ZNF469: variants seen among roughly 807,000 people sequenced by gnomAD.
ZNF469 encodes zinc finger protein 469.
In ZNF469, 1 loss-of-function variant was observed where a neutral mutation model predicts 1.0. That is an observed-to-expected ratio of 1.00 (90% CI 0.35 to 4.73). The LOEUF (loss-of-function observed/expected upper bound fraction) is 4.73, where lower values mean the gene tolerates loss of function less well. Among genes scored for constraint, ZNF469 ranks in the 30% most tolerant of loss-of-function variants. ZNF469 has a pLI of 0.16. For missense variants in ZNF469, 6,100 were observed against 5,356.3 expected (o/e 1.14, Z -4.33); for synonymous variants, 2,703 against 2,363.4 (o/e 1.14, Z -4.17).
At chr16:88,250,859 T>C in the ZNF469 span, among the ~76,000 whole-genome samples, 25 of 152,254 alleles carry the variant, frequency 1.6e-4, no homozygotes, top group Non-Finnish European at 8.8e-5. Flanking sequence ...GCTTCCTACC[T>C]GTTCGGGGTT....
chr16:88,158,364 G>T, the ZNF469 span, among the ~76,000 whole-genome samples: 1 of 152,038 alleles, frequency 6.6e-6, no homozygotes, highest in African/African-American at 2.4e-5. Flanking sequence ...GCAGGCAAGG[G>T]TGTCTGGGTT....
chr16:88,162,441 G>C, the ZNF469 span, among the ~76,000 whole-genome samples: 658 of 150,034 alleles, frequency 4.4e-3, 5 homozygotes, highest in African/African-American at 0.015. Context: ...AAGTTTGTAA[G>C]TATGTACCAA....
At chr16:88,169,574 T>C in the ZNF469 span, among the ~76,000 whole-genome samples, 1 of 152,186 alleles carries the variant, frequency 6.6e-6, no homozygotes, top group Non-Finnish European at 1.5e-5. The surrounding 1 kb of genome is among the most constrained non-coding windows in gnomAD (Gnocchi z 6.1). Flanking sequence ...GTCCGGGGCT[T>C]AGAGGCACCA....
the ZNF469 span, among the ~76,000 whole-genome samples, chr16:88,311,790 G>A: frequency 9.2e-5 from 14 of 152,172 alleles, no homozygotes; most frequent in Non-Finnish European, 1.3e-4. Flanking sequence ...CAAGTCGTTC[G>A]CCAACAAGGA....
At chr16:88,227,519 CCCA>C in the ZNF469 span, among the ~76,000 whole-genome samples, 1 of 145,772 alleles carries the variant, frequency 6.9e-6, no homozygotes, top group South Asian at 2.2e-4. Flanking sequence ...TCCCCATCTC[CCCA>C]TCTCCCCATC....
the ZNF469 span, among the ~76,000 whole-genome samples, chr16:88,199,726 T>C: frequency 8.3e-3 from 1,262 of 152,330 alleles, 16 homozygotes; most frequent in Admixed American, 0.02. Context: ...AGGACAGTGC[T>C]GGCCATAGGG....
the ZNF469 span, among the ~76,000 whole-genome samples, chr16:88,181,073 C>CTT: frequency 3.2e-4 from 42 of 131,156 alleles, no homozygotes; most frequent in South Asian, 2.9e-3. Context: ...AGAATACACA[C>CTT]TTTTTTTTTT....
rs1272587659 is a variant in ZNF469, at chr16:88,435,103, G to C, written c.7633G>C (p.Asp2545His). 3 of 1,550,256 alleles carry C rather than the reference G, an allele frequency of 1.9e-6. No homozygotes were observed. Among genetic ancestry groups the C allele is most frequent in the Non-Finnish European group, 8.7e-7 (1 of 1,146,998 alleles). Reference protein sequence around the residue: ...GKERPNHSRGDPSHVTQPPPA... With the variant: ...GKERPNHSRGHPSHVTQPPPA... Reference sequence around the variant, plus strand: ...GGAGAGACCAAATCACTCACGGGGAGACCCCAGCCACGTCACCCAGCCACC... The same window carrying C: ...GGAGAGACCAAATCACTCACGGGGACACCCCAGCCACGTCACCCAGCCACC... The change falls in exon 3 of 3, where the codon GAC becomes CAC. Residue 2545 changes from aspartate to histidine, a missense_variant. Transcript: ENST00000565624.
intron 1 of ZNF469, among the ~76,000 whole-genome samples, chr16:88,396,998 C>CA (rs1904700525): frequency 2.0e-5 from 3 of 149,918 alleles, no homozygotes; most frequent in South Asian, 2.1e-4. Context: ...GAAGGGAGGC[C>CA]GGGAGGAGAC....
At chr16:88,225,406 G>C in the ZNF469 span, among the ~76,000 whole-genome samples, 2 of 152,208 alleles carry the variant, frequency 1.3e-5, no homozygotes, top group Non-Finnish European at 2.9e-5. Flanking sequence ...TTTTGAAGGA[G>C]GCTTTAGATC....
At position 88,428,221 on chromosome 16, in the gene ZNF469, C is replaced by A. The variant is rs540655479; in HGVS notation, c.751C>A (p.Pro251Thr). The A allele has an allele frequency of 3.7e-4, 578 of 1,550,296 alleles. No individual in the cohort carries two copies. The African/African-American group carries it at 6.6e-3, about 18-fold the overall frequency. Reference sequence around the variant, plus strand: ...CTTCCCAGGTGCTAATTTCGGGGTTCCCCCCGCCGAGCCGGAACCTATTCC... The same window carrying A: ...CTTCCCAGGTGCTAATTTCGGGGTTACCCCCGCCGAGCCGGAACCTATTCC... ...NSFPGANFGV[P>T]PAEPEPIPKG... is the part of the protein sequence containing the mutation. Residue 251 changes from proline (P) to threonine (T), a missense_variant, in exon 3 of 3, where the codon CCC becomes ACC. Physicochemically the swap from Pro to Thr is conservative, Grantham distance 38. Transcript: ENST00000565624.
At chr16:88,338,828 C>T in the ZNF469 span, among the ~76,000 whole-genome samples, 1 of 152,194 alleles carries the variant, frequency 6.6e-6, no homozygotes, top group Non-Finnish European at 1.5e-5. Context: ...AAGCCAGCAT[C>T]CCCCAGAAGC....
chr16:88,380,063 TCACA>T (rs553127316), upstream of ZNF469, among the ~76,000 whole-genome samples: 605 of 151,378 alleles, frequency 4.0e-3, no homozygotes, highest in Non-Finnish European at 5.8e-3. Flanking sequence ...ACACACATAC[TCACA>T]CACAGACACG....
chr16:88,263,943 A>G, the ZNF469 span, among the ~76,000 whole-genome samples: 335 of 152,146 alleles, frequency 2.2e-3, no homozygotes, highest in African/African-American at 6.9e-3. Flanking sequence ...TGGGCTGACC[A>G]GAGCCCTGGA....
chr16:88,151,912 A>G, the ZNF469 span, among the ~76,000 whole-genome samples: 49 of 152,294 alleles, frequency 3.2e-4, no homozygotes, highest in African/African-American at 1.1e-3. This position sits in a 1 kb window ranked among gnomAD's most constrained non-coding sequence, Gnocchi z 5.4. Flanking sequence ...GAACCCAGAA[A>G]CTCAGAAAAC....
chr16:88,234,022 C>G, the ZNF469 span, among the ~76,000 whole-genome samples: 3 of 152,206 alleles, frequency 2.0e-5, no homozygotes, highest in Non-Finnish European at 4.4e-5. Flanking sequence ...ATGAAATTAT[C>G]TTTTTCCTAT....
At chr16:88,153,001 G>A in the ZNF469 span, among the ~76,000 whole-genome samples, 19 of 152,330 alleles carry the variant, frequency 1.2e-4, no homozygotes, top group East Asian at 3.7e-3. Context: ...GGCTCCGGCT[G>A]GCGTCTGCTG....
chr16:88,306,060 A>G, the ZNF469 span, among the ~76,000 whole-genome samples: 1 of 152,220 alleles, frequency 6.6e-6, no homozygotes, highest in East Asian at 1.9e-4. Context: ...CTGCACTGCA[A>G]AAAGGCCTGG....
At chr16:88,133,878 G>C in the ZNF469 span, among the ~76,000 whole-genome samples, 1 of 152,184 alleles carries the variant, frequency 6.6e-6, no homozygotes, top group Admixed American at 6.5e-5. Context: ...TGGATCACCT[G>C]AGGTCAGGAG....
Sources: gnomAD v4.1 joint callset for allele counts (sites outside exome capture counted in the v4.1 genomes callset) on GRCh38, gnomAD v4.1.1 for gene constraint, Gnocchi (gnomAD v3.1) non-coding constraint, MANE v1.5 for transcripts, NCBI Gene and HGNC (gene_info 2026-07-23, HGNC 2026-07-21) for gene names.